Variants in TRMT11 observed in about 807,000 individuals in gnomAD.
TRMT11 encodes tRNA methyltransferase 11.
Under a neutral mutation model 62.8 loss-of-function variants are expected in TRMT11, and 53 were observed. That is an observed-to-expected ratio of 0.84 (90% confidence interval 0.68 to 1.06). The LOEUF (loss-of-function observed/expected upper bound fraction) is 1.06. Among genes scored for constraint, TRMT11 ranks in the 50% least tolerant of loss-of-function variants. The pLI is 0.00. For synonymous variants in TRMT11, 188 were observed against 190.3 expected, an observed-to-expected ratio of 0.99 and a Z score of 0.10; for missense variants, 556 against 553.4, an observed-to-expected ratio of 1.00 and a Z score of -0.05.
chr6:126,093,608 TATATATA>T (rs1777302078), intron 17 of TRMT11, among the ~76,000 whole-genome samples: 1 of 100,974 alleles, frequency 9.9e-6, no homozygotes, highest in African/African-American at 5.3e-5. Context: ...TATATATATA[TATATATA>T]TATATATATA....
At position 126,168,901 on chromosome 6, in the gene TRMT11, A is replaced by G. The variant is rs1411193038; in HGVS notation, c.*1824-5924A>G. 2.0e-5 allele frequency among the ~76,000 whole-genome samples: 3 copies of G among 152,354 alleles called. No individual in the cohort carries two copies. In the East Asian group the frequency reaches 5.8e-4, roughly 29 times the overall value. On this transcript the variant is annotated intron_variant and NMD_transcript_variant, in intron 21 of 22. Coordinates refer to the TRMT11 transcript ENST00000648977. ...CTTGTGGTGGATCCACTTGTCTCATACCATTATGTCTACTTCTTTCCTTTT... is the reference window on the plus strand; with the variant it reads ...CTTGTGGTGGATCCACTTGTCTCATGCCATTATGTCTACTTCTTTCCTTTT...
At chr6:126,233,625 G>T in the TRMT11 span, among the ~76,000 whole-genome samples, 1 of 152,100 alleles carries the variant, frequency 6.6e-6, no homozygotes, top group Admixed American at 6.6e-5. Context: ...TCTAGAAGAG[G>T]TGAATAGTTA....
At chr6:126,229,222 GT>G in the TRMT11 span, among the ~76,000 whole-genome samples, 1 of 152,056 alleles carries the variant, frequency 6.6e-6, no homozygotes, top group African/African-American at 2.4e-5. Context: ...CTTTAAATAG[GT>G]TGGACAATTT....
chr6:126,213,440 A>G, the TRMT11 span, among the ~76,000 whole-genome samples: 1 of 151,592 alleles, frequency 6.6e-6, no homozygotes, highest in Non-Finnish European at 1.5e-5. Context: ...GTTTGCTTCA[A>G]TTTCTTTTAT....
chr6:126,238,224 A>G, the TRMT11 span, among the ~76,000 whole-genome samples: 16 of 152,004 alleles, frequency 1.1e-4, no homozygotes, highest in Non-Finnish European at 1.8e-4. Context: ...GTTCTGCGCT[A>G]ATCTTAGTTA....
At chr6:126,019,391 C>T (rs1795477616) in intron 11 of TRMT11, among the ~76,000 whole-genome samples, 1 of 152,084 alleles carries the variant, frequency 6.6e-6, no homozygotes, top group Non-Finnish European at 1.5e-5. Context: ...TCATTCATGT[C>T]ATAGATGTTA....
intron 17 of TRMT11, among the ~76,000 whole-genome samples, chr6:126,097,396 T>C (rs73577912): frequency 1.6e-4 from 25 of 152,248 alleles, no homozygotes; most frequent in African/African-American, 5.3e-4. Context: ...TTATTTTAAA[T>C]AATACTCAAG....
chr6:126,142,304 A>G (rs75146692), intron 21 of TRMT11, among the ~76,000 whole-genome samples: 1 of 152,184 alleles, frequency 6.6e-6, no homozygotes, highest in East Asian at 1.9e-4. Flanking sequence ...ACAATTCCAC[A>G]TCCTTGAGAG....
At chr6:126,166,067 A>AATGATATT (rs1778258340) in intron 21 of TRMT11, among the ~76,000 whole-genome samples, 1 of 151,704 alleles carries the variant, frequency 6.6e-6, no homozygotes, top group African/African-American at 2.4e-5. Flanking sequence ...CTTCCGCTTG[A>AATGATATT]TCGATTTGGC....
intron 12 of TRMT11, among the ~76,000 whole-genome samples, chr6:126,037,176 G>A (rs1472567109): frequency 1.3e-5 from 2 of 151,970 alleles, no homozygotes; most frequent in East Asian, 1.9e-4. Context: ...AATTAAGGGT[G>A]CAGTCTTTAG....
At chr6:126,224,742 A>T in the TRMT11 span, among the ~76,000 whole-genome samples, 1 of 152,202 alleles carries the variant, frequency 6.6e-6, no homozygotes, top group Non-Finnish European at 1.5e-5. Context: ...TGAAAGAATG[A>T]CAGGTTACAT....
intron 17 of TRMT11, among the ~76,000 whole-genome samples, chr6:126,090,724 G>A (rs1777264165): frequency 1.3e-5 from 2 of 152,128 alleles, no homozygotes; most frequent in Non-Finnish European, 2.9e-5. Flanking sequence ...GGTTCATTCT[G>A]ACATTCATTT....
At chr6:126,190,033 A>T (rs1271667029) in intron 1 of TRMT11, among the ~76,000 whole-genome samples, 1 of 152,104 alleles carries the variant, frequency 6.6e-6, no homozygotes, top group African/African-American at 2.4e-5. Context: ...CACCTCAAAC[A>T]TTTATCTTTT....
intron 1 of TRMT11, among the ~76,000 whole-genome samples, chr6:126,177,750 T>C (rs1452429768): frequency 6.6e-6 from 1 of 152,100 alleles, no homozygotes; most frequent in Non-Finnish European, 1.5e-5. Context: ...TTTTTTCAAC[T>C]CTTTGCTTTC....
At chr6:126,074,839 C>A (rs967072639) in intron 17 of TRMT11, among the ~76,000 whole-genome samples, 4 of 152,050 alleles carry the variant, frequency 2.6e-5, no homozygotes, top group South Asian at 2.1e-4. Flanking sequence ...AATAATTAAA[C>A]AATTATTTTC....
downstream of TRMT11, among the ~76,000 whole-genome samples, chr6:126,207,890 T>A (rs540406337): frequency 6.6e-4 from 100 of 152,276 alleles, no homozygotes; most frequent in Non-Finnish European, 5.4e-4. Flanking sequence ...ACTAAAGACA[T>A]TGATTAAAGA....
chr6:126,001,383 A>T (rs142109076), intron 7 of TRMT11, among the ~76,000 whole-genome samples: 80 of 151,430 alleles, frequency 5.3e-4, no homozygotes, highest in African/African-American at 1.8e-3. Flanking sequence ...TTTTTATCTA[A>T]TTTTTTCCTC....
chr6:126,061,250 G>A (rs1249230426), intron 17 of TRMT11, among the ~76,000 whole-genome samples: 4 of 152,264 alleles, frequency 2.6e-5, no homozygotes, highest in East Asian at 1.9e-4. Context: ...CAAGATGCCC[G>A]GGTGATTTCT....
chr6:126,020,307 A>T (rs1795632480), intron 11 of TRMT11, among the ~76,000 whole-genome samples: 1 of 152,240 alleles, frequency 6.6e-6, no homozygotes, highest in African/African-American at 2.4e-5. Context: ...CAGTGTTCTT[A>T]AAAGTACCCA....
Sources: allele counts gnomAD v4.1 joint callset (sites outside exome capture counted in the v4.1 genomes callset), GRCh38; gene constraint gnomAD v4.1.1; transcripts MANE v1.5; gene names NCBI Gene and HGNC (gene_info 2026-07-23, HGNC 2026-07-21).